The following SUPT5H variants were observed in gnomAD, a reference collection of about 807,000 sequenced individuals.
SUPT5H encodes SPT5 homolog, DSIF elongation factor subunit.
SUPT5H carries 24 observed loss-of-function variants against 142.5 expected under a neutral mutation model. The ratio of observed to expected loss-of-function variants is 0.17; its 90% confidence interval spans 0.12 to 0.24. The LOEUF is 0.24. Among genes scored for constraint, SUPT5H ranks in the 10% least tolerant of loss-of-function variants. The pLI is 1.00. For missense variants in SUPT5H, 893 were observed against 1,471.8 expected (o/e 0.61, Z 6.43); for synonymous variants, 546 against 553.0 (o/e 0.99, Z 0.18).
intron 2 of SUPT5H, among the ~76,000 whole-genome samples, chr19:39,451,751 T>C (rs958353583): frequency 2.0e-5 from 3 of 152,106 alleles, no homozygotes; most frequent in Admixed American, 1.3e-4. Flanking sequence ...AGGCGGGTCT[T>C]GTACTCCTGA....
At chr19:39,454,494 G>A (rs2079062267) in intron 3 of SUPT5H, among the ~76,000 whole-genome samples, 1 of 151,738 alleles carries the variant, frequency 6.6e-6, no homozygotes, top group African/African-American at 2.4e-5. Flanking sequence ...ACGGGCACGT[G>A]CCACCATGCC....
Position 39,470,125 on chromosome 19 carries a change from T to C in SUPT5H, c.1381T>C (p.Leu461=). The C allele has an allele frequency of 6.2e-7, 1 of 1,613,038 alleles. No individual in the cohort carries two copies. The highest frequency in any genetic ancestry group is 8.5e-7 in the Non-Finnish European group (1 of 1,179,454). Residue 461 remains leucine, a synonymous_variant, in exon 17 of 30, where the codon TTG becomes CTG. Transcript: ENST00000432763. The surrounding 1 kb of genome is among the most constrained non-coding windows in gnomAD (Gnocchi z 5.8). ...MPKHEDLKDM[L]EFPAQELRKY... ...CCCACACCCAATCCCCCAGGACATG[T>C]TGGAGTTCCCAGCCCAGGAACTTAG...
In SUPT5H at chr19:39,464,933, A is replaced by G; in HGVS notation, c.760A>G (p.Met254Val). The G allele has an allele frequency of 1.9e-6, 3 of 1,614,222 alleles. No individual in the cohort carries two copies. Among genetic ancestry groups the G allele is most frequent in the Non-Finnish European group, 2.5e-6 (3 of 1,180,040 alleles). ...GCGGCTTGGCTACTGGAACCAGCAGATGGTGCCCATCAAGGAGATGACAGA... is the reference window on the plus strand; with the variant it reads ...GCGGCTTGGCTACTGGAACCAGCAGGTGGTGCCCATCAAGGAGATGACAGA... ...NLRLGYWNQQ[M>V]VPIKEMTDVL... is the part of the protein sequence containing the mutation. The change falls in exon 11 of 30, where the codon ATG (methionine) becomes GTG (valine). Residue 254 changes from methionine (M) to valine (V), a missense_variant. This residue lies in a region of SUPT5H where 428 missense variants were observed against 763.5 expected (regional missense o/e 0.56). Coordinates refer to ENST00000432763, the MANE Select transcript of SUPT5H (RefSeq NM_001111020.3).
chr19:39,469,489 C>A lies in SUPT5H; in HGVS notation c.1374+91C>A. 6.4e-7 allele frequency: 1 copy of A among 1,571,672 alleles called. No homozygotes were observed. The highest frequency in any genetic ancestry group is 1.7e-5 in the Admixed American group (1 of 57,502). ...CGAGGCGGTGGTGTGCCTGGTGACA[C>A]CTGGTTTCCAGGAGGGTAAGTTGAG... On this transcript the variant is annotated intron_variant, in intron 16 of 29. Transcript: ENST00000432763. The surrounding 1 kb of genome is among the most constrained non-coding windows in gnomAD (Gnocchi z 5.1).
chr19:39,475,120 C>T, intron 28 of SUPT5H: 1 of 233,918 alleles, frequency 4.3e-6, no homozygotes, highest in South Asian at 5.4e-5. Flanking sequence ...TGCTTCACAC[C>T]TGTAATCCCA....
In SUPT5H at chr19:39,470,620, C is replaced by T. The variant is rs1361569605; in HGVS notation, c.1677+97C>T. The T allele has an allele frequency of 5.8e-6, 8 of 1,373,066 alleles. No individual in the cohort carries two copies. In the South Asian group the frequency reaches 8.4e-5, roughly 14 times the overall value. 85.1% of individuals were successfully genotyped at this position (1,373,066 alleles called of 1,614,324 possible). A position where few individuals can be genotyped will look rare whatever the true frequency, so the allele number is the denominator to read the frequency against. On this transcript the variant is annotated intron_variant, in intron 18 of 29. Coordinates refer to ENST00000432763, the MANE Select transcript of SUPT5H (RefSeq NM_001111020.3). This position sits in a 1 kb window ranked among gnomAD's most constrained non-coding sequence, Gnocchi z 5.8. ...GAGGTGGCAGAGCCCCCAGACTGCT[C>T]TGGGTTGCAGATCTGGCTCTGTCAC...
Position 39,464,962 on chromosome 19 carries a change from G to T in SUPT5H, c.789G>T (p.Val263=). The T allele has an allele frequency of 6.2e-7, 1 of 1,614,230 alleles. No individual in the cohort carries two copies. The highest frequency in any genetic ancestry group is 8.5e-7 in the Non-Finnish European group (1 of 1,180,046). The change falls in exon 11 of 30, where the codon GTG becomes GTT. Residue 263 remains valine, a synonymous_variant. Coordinates refer to ENST00000432763, the MANE Select transcript of SUPT5H (RefSeq NM_001111020.3). The stretch of plus-strand genomic sequence containing the variant: ...TGCCCATCAAGGAGATGACAGACGT[G>T]CTCAAAGTGGTGAAGGAGGTGGCCA... ...QMVPIKEMTD[V]LKVVKEVANL... is the part of the protein sequence containing the mutation.
At chr19:39,457,481 AT>A (rs1411871487) in intron 3 of SUPT5H, among the ~76,000 whole-genome samples, 193 bp from the exon 4 acceptor site, 1 of 152,124 alleles carries the variant, frequency 6.6e-6, no homozygotes, top group Non-Finnish European at 1.5e-5. Flanking sequence ...TTGGAGCTGT[AT>A]GTCCCCCTCG....
rs755352819 is a variant in SUPT5H, at chr19:39,465,084, C to T, written c.876+35C>T. 3.1e-6 allele frequency: 5 copies of T among 1,589,836 alleles called. No individual in the cohort carries two copies. The Admixed American group carries it at 8.6e-5, about 27-fold the overall frequency. On this transcript the variant is annotated intron_variant, in intron 11 of 29. Transcript: ENST00000432763. ...GCGGGGTGGCATGGGGGTCAGGGTCCCTCCATTCTGTTCTCCCTTCCTTTC... is the reference window on the plus strand; with the variant it reads ...GCGGGGTGGCATGGGGGTCAGGGTCTCTCCATTCTGTTCTCCCTTCCTTTC...
At position 39,459,029 on chromosome 19, in the gene SUPT5H, C is replaced by G; in HGVS notation, c.414C>G (p.Gly138=). ...LWRDQREEEL[G]EYYMKKYAKS... is the part of the protein sequence containing the mutation. ...GGGACCAGCGAGAAGAAGAACTGGG[C>G]GAGTATTACATGAAGAAATACGCCA... is the stretch of plus-strand genomic sequence containing the variant. Residue 138 remains glycine, a synonymous_variant, in exon 7 of 30, where the codon GGC becomes GGG. Transcript: ENST00000432763. 5.0e-6 allele frequency: 8 copies of G among 1,613,658 alleles called. No homozygotes were observed. The highest frequency in any genetic ancestry group is 6.8e-6 in the Non-Finnish European group (8 of 1,179,976).
intron 3 of SUPT5H, among the ~76,000 whole-genome samples, chr19:39,455,130 C>T (rs2079070778): frequency 6.6e-6 from 1 of 152,112 alleles, no homozygotes; most frequent in African/African-American, 2.4e-5. Flanking sequence ...AGTTTGGTGA[C>T]CTAAATGTTT....
At position 39,458,622 on chromosome 19, in the gene SUPT5H, A is replaced by AT. The variant is rs2079122548; in HGVS notation, c.320-195dup. The stretch of plus-strand genomic sequence containing the variant: ...GAAGCCCCCCAACTTGCTGGGCCCC[A>AT]TCCCCAGTCTTTTTGACAAGAAGCA... On this transcript the variant is annotated intron_variant, in intron 5 of 29. Coordinates refer to ENST00000432763, the MANE Select transcript of SUPT5H (RefSeq NM_001111020.3). The surrounding 1 kb of genome is among the most constrained non-coding windows in gnomAD (Gnocchi z 4.2). 1 of 708,226 alleles carries AT rather than the reference A, an allele frequency of 1.4e-6. No individual in the cohort carries two copies. Among genetic ancestry groups the AT allele is most frequent in the South Asian group, 1.9e-5 (1 of 51,912 alleles). 43.9% of individuals were successfully genotyped at this position (708,226 alleles called of 1,614,324 possible). A position where few individuals can be genotyped will look rare whatever the true frequency, so the allele number is the denominator to read the frequency against.
Position 39,458,305 on chromosome 19 carries a change from G to T in SUPT5H, c.319G>T (p.Ala107Ser). The change falls in exon 5 of 30, where the codon GCC becomes TCC. Residue 107 changes from alanine to serine, a missense_variant and splice_region_variant. Ala to Ser is a moderately conservative substitution (Grantham distance 99). Coordinates refer to ENST00000432763, the MANE Select transcript of SUPT5H (RefSeq NM_001111020.3). This position sits in a 1 kb window ranked among gnomAD's most constrained non-coding sequence, Gnocchi z 4.2. ...EDILEKEEIE[A>S]SNIDNVVLDE... ...CTTCCTCCAAGTAGAAGAGATTGAA[G>T]GTAAGAATATGAAAAGTGTGATTCC... is the stretch of plus-strand genomic sequence containing the variant. 1 of 1,391,088 alleles carries T rather than the reference G, an allele frequency of 7.2e-7. No individual in the cohort carries two copies. The allele number at this position is 1,391,088 out of a possible 1,614,324, so 86.2% of individuals were successfully genotyped here.
intron 10 of SUPT5H, among the ~76,000 whole-genome samples, chr19:39,462,499 A>G (rs2079175753): frequency 6.6e-6 from 1 of 151,882 alleles, no homozygotes; most frequent in African/African-American, 2.4e-5. Context: ...TTCAAGACTC[A>G]TCCATATTGT....
intron 11 of SUPT5H, 34 bp downstream of exon 11, chr19:39,465,083 C>T: frequency 6.3e-7 from 1 of 1,590,570 alleles, no homozygotes; most frequent in Non-Finnish European, 8.6e-7. Flanking sequence ...GGGTCAGGGT[C>T]CCTCCATTCT....
Position 39,473,648 on chromosome 19 carries a change from C to A in SUPT5H, c.2492+127C>A. 1 of 1,156,910 alleles carries A rather than the reference C, an allele frequency of 8.6e-7. No homozygotes were observed. Among genetic ancestry groups the A allele is most frequent in the Non-Finnish European group, 1.2e-6 (1 of 832,392 alleles). The allele number at this position is 1,156,910 out of a possible 1,614,324, so 71.7% of individuals were successfully genotyped here. A position where few individuals can be genotyped will look rare whatever the true frequency, so the allele number is the denominator to read the frequency against. On this transcript the variant is annotated intron_variant, in intron 25 of 29. Coordinates refer to ENST00000432763, the MANE Select transcript of SUPT5H (RefSeq NM_001111020.3). The surrounding 1 kb of genome is among the most constrained non-coding windows in gnomAD (Gnocchi z 5.8). ...TCTCTGCTCCTAGCCTCAGGCTGGT[C>A]CCTTTGAAGGAGGAGGCATAGCATG... is the stretch of plus-strand genomic sequence containing the variant.
chr19:39,474,704 A>C lies in SUPT5H; in HGVS notation c.3010A>C (p.Ile1004Leu). 1 of 1,612,648 alleles carries C rather than the reference A, an allele frequency of 6.2e-7. No individual in the cohort carries two copies. The change falls in exon 28 of 30, where the codon ATC (isoleucine) becomes CTC (leucine). Residue 1004 changes from isoleucine (I) to leucine (L), a missense_variant. Around this residue, in one of 6 missense-constraint regions of SUPT5H, gnomAD observed 336 missense variants for 546.5 expected, o/e 0.61. Coordinates refer to ENST00000432763, the MANE Select transcript of SUPT5H (RefSeq NM_001111020.3). This position sits in a 1 kb window ranked among gnomAD's most constrained non-coding sequence, Gnocchi z 6.5. ...ACAGGTGGTGGGACAGACAGGTGTCATCCGCAGTGTCACGGTACGTGGGGC... is the reference window on the plus strand; with the variant it reads ...ACAGGTGGTGGGACAGACAGGTGTCCTCCGCAGTGTCACGGTACGTGGGGC... ...DTQVVGQTGV[I>L]RSVTGGMCSV...
intron 2 of SUPT5H, among the ~76,000 whole-genome samples, chr19:39,452,051 G>C (rs1179641377): frequency 3.3e-5 from 5 of 152,172 alleles, no homozygotes; most frequent in Non-Finnish European, 2.9e-5. Flanking sequence ...CCTGGCCTAG[G>C]CTCAGATATA....
chr19:39,469,270 C>G lies in SUPT5H; in HGVS notation c.1246C>G (p.Arg416Gly). Residue 416 changes from arginine (R) to glycine (G), a missense_variant, in exon 16 of 30, where the codon CGG becomes GGG. Transcript: ENST00000432763. The surrounding 1 kb of genome is among the most constrained non-coding windows in gnomAD (Gnocchi z 5.1). ...TACGACTGCCCCTGCAGGGAAGGAG[C>G]GGGAGCACAACTTCCAACCTGGGGA... ...EVVTESTGKE[R>G]EHNFQPGDNV... 6.2e-7 allele frequency: 1 copy of G among 1,614,126 alleles called. No homozygotes were observed. The highest frequency in any genetic ancestry group is 8.5e-7 in the Non-Finnish European group (1 of 1,180,006).
Sources: allele counts gnomAD v4.1 joint callset (sites outside exome capture counted in the v4.1 genomes callset), GRCh38; gene constraint gnomAD v4.1.1; regional missense constraint gnomAD v4.1.1; non-coding constraint Gnocchi (gnomAD v3.1); transcripts MANE v1.5; gene names NCBI Gene and HGNC (gene_info 2026-07-23, HGNC 2026-07-21).